AKAP19: variants seen among roughly 807,000 people sequenced by gnomAD.
AKAP19 encodes A-kinase anchoring protein 19.
the AKAP19 span, among the ~76,000 whole-genome samples, chr2:190,101,232 T>C: frequency 6.6e-6 from 1 of 152,166 alleles, no homozygotes; most frequent in Non-Finnish European, 1.5e-5. Flanking sequence ...GCCAGAGTTG[T>C]GGAAAGTGCC....
At chr2:190,087,392 C>T in the AKAP19 span, among the ~76,000 whole-genome samples, 5 of 152,184 alleles carry the variant, frequency 3.3e-5, no homozygotes, top group Non-Finnish European at 5.9e-5. Context: ...TGTTCATGGG[C>T]CCATTGTACA....
chr2:190,137,040 A>G, the AKAP19 span, among the ~76,000 whole-genome samples: 1 of 152,252 alleles, frequency 6.6e-6, no homozygotes, highest in African/African-American at 2.4e-5. Flanking sequence ...CACTTCATTC[A>G]GAACAGGGAC....
the AKAP19 span, among the ~76,000 whole-genome samples, chr2:189,947,591 G>A: frequency 2.3e-3 from 347 of 151,714 alleles, no homozygotes; most frequent in Non-Finnish European, 4.1e-3. Flanking sequence ...AAATTTCCTC[G>A]GCAATTAAAT....
chr2:190,085,661 C>T, the AKAP19 span, among the ~76,000 whole-genome samples: 8 of 152,108 alleles, frequency 5.3e-5, no homozygotes, highest in East Asian at 3.9e-4. Flanking sequence ...AGTATGAGCA[C>T]GTTGTAGATG....
the AKAP19 span, among the ~76,000 whole-genome samples, chr2:190,112,650 T>C: frequency 6.6e-6 from 1 of 152,198 alleles, no homozygotes; most frequent in South Asian, 2.1e-4. Flanking sequence ...GTTGAGTTGG[T>C]CAAATGACTT....
At chr2:189,936,857 C>T in the AKAP19 span, among the ~76,000 whole-genome samples, 1 of 152,134 alleles carries the variant, frequency 6.6e-6, no homozygotes, top group African/African-American at 2.4e-5. Context: ...ACGCACAATG[C>T]CTAATGCCTG....
the AKAP19 span, among the ~76,000 whole-genome samples, chr2:190,186,829 T>C: frequency 2.0e-5 from 3 of 152,164 alleles, no homozygotes; most frequent in African/African-American, 7.2e-5. The surrounding 1 kb of genome is among the most constrained non-coding windows in gnomAD (Gnocchi z 5.5). Flanking sequence ...ATATATGTAT[T>C]TTTTATAAAC....
At chr2:189,947,596 T>A in the AKAP19 span, among the ~76,000 whole-genome samples, 2 of 152,094 alleles carry the variant, frequency 1.3e-5, no homozygotes, top group African/African-American at 4.8e-5. Context: ...TCCTCGGCAA[T>A]TAAATGATGA....
the AKAP19 span, chr2:189,923,591 G>T: frequency 1.8e-5 from 29 of 1,614,004 alleles, no homozygotes; most frequent in African/African-American, 1.6e-4. Context: ...TAACCTGGCT[G>T]CAGAGCCAAA....
chr2:190,167,068 G>A, the AKAP19 span, among the ~76,000 whole-genome samples: 2 of 152,074 alleles, frequency 1.3e-5, no homozygotes, highest in African/African-American at 2.4e-5. Flanking sequence ...AAAATATAGG[G>A]TATTAGTTTG....
the AKAP19 span, among the ~76,000 whole-genome samples, chr2:189,971,518 C>G: frequency 2.0e-5 from 3 of 152,176 alleles, no homozygotes; most frequent in Admixed American, 2.0e-4. Flanking sequence ...ATGGCTGGGT[C>G]AAATGGTATT....
the AKAP19 span, chr2:189,923,994 C>G: frequency 1.9e-6 from 3 of 1,596,834 alleles, no homozygotes; most frequent in Non-Finnish European, 2.6e-6. Context: ...AATGTTAAGT[C>G]AGAAGAGGAG....
the AKAP19 span, among the ~76,000 whole-genome samples, chr2:190,199,023 C>T: frequency 1.3e-5 from 2 of 152,234 alleles, no homozygotes; most frequent in South Asian, 2.1e-4. Context: ...TATATGTAAC[C>T]TATATTGTTT....
At chr2:190,033,143 G>A in the AKAP19 span, among the ~76,000 whole-genome samples, 1 of 152,198 alleles carries the variant, frequency 6.6e-6, no homozygotes, top group Admixed American at 6.5e-5. Flanking sequence ...TTTATCCCCA[G>A]CCATGCCAGC....
chr2:189,980,739 C>T, the AKAP19 span, among the ~76,000 whole-genome samples: 1 of 152,278 alleles, frequency 6.6e-6, no homozygotes, highest in African/African-American at 2.4e-5. Flanking sequence ...CCAGGGTCTT[C>T]TGGAAATCTC....
chr2:190,156,243 G>T, the AKAP19 span, among the ~76,000 whole-genome samples: 1 of 152,070 alleles, frequency 6.6e-6, no homozygotes, highest in Non-Finnish European at 1.5e-5. Flanking sequence ...TTTTAAAATA[G>T]TGCTGATCCA....
the AKAP19 span, among the ~76,000 whole-genome samples, chr2:190,182,824 A>G: frequency 2.6e-5 from 4 of 152,268 alleles, no homozygotes; most frequent in Non-Finnish European, 5.9e-5. Context: ...AGACAAAAAT[A>G]AAGGTAGGCT....
chr2:189,944,251 G>T, the AKAP19 span, among the ~76,000 whole-genome samples: 2 of 152,134 alleles, frequency 1.3e-5, no homozygotes, highest in East Asian at 1.9e-4. Flanking sequence ...TGAAGGCCTG[G>T]TGCTGTCTTT....
the AKAP19 span, chr2:189,930,305 TC>T: frequency 3.1e-6 from 2 of 639,748 alleles, no homozygotes; most frequent in Non-Finnish European, 2.3e-6. Context: ...ATCAACTGGC[TC>T]CATGGAGGAG....
Sources: gnomAD v4.1 joint callset for allele counts (sites outside exome capture counted in the v4.1 genomes callset) on GRCh38, gnomAD v4.1.1 for gene constraint, Gnocchi (gnomAD v3.1) non-coding constraint, MANE v1.5 for transcripts, NCBI Gene and HGNC (gene_info 2026-07-23, HGNC 2026-07-21) for gene names.